The following LRMDA variants were observed in gnomAD, a reference collection of about 807,000 sequenced individuals.
The protein encoded by LRMDA is leucine-rich melanocyte differentiation-associated protein.
LRMDA carries 18 observed loss-of-function variants against 29.8 expected under a neutral mutation model. The ratio of observed to expected loss-of-function variants is 0.60; its 90% CI spans 0.42 to 0.90. The LOEUF (loss-of-function observed/expected upper bound fraction) is 0.90. Among genes scored for constraint, LRMDA ranks in the 40% least tolerant of loss-of-function variants. The probability of loss-of-function intolerance (pLI) is 0.00; values close to 1 mark genes in which losing one functional copy is unlikely to be tolerated. For missense variants in LRMDA, 273 were observed against 273.9 expected, an observed-to-expected ratio of 1.00 and a Z score of 0.02; for synonymous variants, 125 against 109.4, an observed-to-expected ratio of 1.14 and a Z score of -0.89.
intron 5 of LRMDA, among the ~76,000 whole-genome samples, chr10:76,115,923 G>A (rs964289909): frequency 6.6e-6 from 1 of 152,142 alleles, no homozygotes; most frequent in Non-Finnish European, 1.5e-5. Flanking sequence ...ATCATCGTGG[G>A]AATGGAAACG....
At chr10:75,588,161 T>G (rs1589194895) in intron 2 of LRMDA, among the ~76,000 whole-genome samples, 1 of 152,140 alleles carries the variant, frequency 6.6e-6, no homozygotes, top group Admixed American at 6.5e-5. Flanking sequence ...GAAGGTTGAA[T>G]GAGGTTACAA....
chr10:76,372,214 T>A (rs755179068), intron 6 of LRMDA, among the ~76,000 whole-genome samples: 11 of 152,154 alleles, frequency 7.2e-5, no homozygotes, highest in Non-Finnish European at 1.2e-4. Context: ...GCCATCTGAG[T>A]ACACTACCAA....
chr10:75,899,302 A>G (rs1263102422), intron 2 of LRMDA, among the ~76,000 whole-genome samples: 1 of 152,234 alleles, frequency 6.6e-6, no homozygotes. Flanking sequence ...ATGCTAGAAT[A>G]AGTCTAGCCA....
chr10:75,749,918 A>G lies in LRMDA; in HGVS notation c.132-286090A>G, dbSNP rs566158805. Among the ~76,000 whole-genome samples, 748 of 152,342 alleles carry G rather than the reference A, an allele frequency of 4.9e-3. 7 individuals are homozygous for G. The highest frequency in any genetic ancestry group is 0.017 in the African/African-American group (700 of 41,574). On this transcript the variant is annotated intron_variant, in intron 2 of 6. Transcript: ENST00000611255. ...CCATTTAACCCTGAGTGGACACACC[A>G]CATGTTTCAGAGAGCACGGGGTTGG...
intron 2 of LRMDA, among the ~76,000 whole-genome samples, chr10:75,786,582 A>G (rs751068681): frequency 2.6e-5 from 4 of 151,926 alleles, no homozygotes; most frequent in Non-Finnish European, 4.4e-5. Context: ...TTCTGATTCA[A>G]ATGGTATCTA....
chr10:75,793,089 G>A (rs1291992673), intron 2 of LRMDA, among the ~76,000 whole-genome samples: 1 of 152,208 alleles, frequency 6.6e-6, no homozygotes, highest in Non-Finnish European at 1.5e-5. Context: ...GAAAACCACA[G>A]GAGCAAAGGG....
intron 6 of LRMDA, among the ~76,000 whole-genome samples, chr10:76,426,117 C>T (rs192084962): frequency 1.3e-5 from 2 of 152,240 alleles, no homozygotes; most frequent in African/African-American, 4.8e-5. Context: ...GGTATATAGC[C>T]AGTAATGGGA....
chr10:75,577,931 A>ATTT lies in LRMDA; in HGVS notation c.131+139437_131+139438insTTT, dbSNP rs531145297. ...ATCAACTAGTACCAGCCACTGCAAA[A>ATTT]ACATACCAAATTGTAAAGACCATGG... On this transcript the variant is annotated intron_variant, in intron 2 of 6. Transcript: ENST00000611255. Among the ~76,000 whole-genome samples the ATTT allele has an allele frequency of 7.2e-3, 1,095 of 152,250 alleles. 16 individuals are homozygous for ATTT. The highest frequency in any genetic ancestry group is 0.025 in the African/African-American group (1,020 of 41,532).
intron 2 of LRMDA, among the ~76,000 whole-genome samples, chr10:75,555,501 A>G (rs891031079): frequency 1.3e-5 from 2 of 152,160 alleles, no homozygotes; most frequent in Admixed American, 6.6e-5. Flanking sequence ...TTTGAACTTC[A>G]TGTGTGGTGC....
At chr10:76,456,500 T>G (rs78521812) in intron 6 of LRMDA, among the ~76,000 whole-genome samples, 2,733 of 152,276 alleles carry the variant, frequency 0.018, 87 homozygotes, top group African/African-American at 0.061. Flanking sequence ...CTCAGGGTGA[T>G]GGCTAAGAAA....
At chr10:75,639,835 C>T (rs552518857) in intron 2 of LRMDA, among the ~76,000 whole-genome samples, 6 of 151,976 alleles carry the variant, frequency 3.9e-5, no homozygotes, top group South Asian at 4.2e-4. Context: ...CTTTGTCCTG[C>T]GCGGCTGCGC....
chr10:76,198,823 AT>A (rs935169529), intron 5 of LRMDA, among the ~76,000 whole-genome samples: 21 of 152,106 alleles, frequency 1.4e-4, no homozygotes, highest in African/African-American at 4.3e-4. Context: ...GACAGGTTTT[AT>A]TTTTTTCCCC....
chr10:76,090,727 A>T (rs953607508), intron 5 of LRMDA, among the ~76,000 whole-genome samples: 3 of 152,208 alleles, frequency 2.0e-5, no homozygotes. Flanking sequence ...ACATGCTACA[A>T]CATGGATGAA....
At chr10:76,070,542 C>T (rs1180078670) in intron 5 of LRMDA, among the ~76,000 whole-genome samples, 4 of 152,164 alleles carry the variant, frequency 2.6e-5, no homozygotes, top group African/African-American at 9.7e-5. Flanking sequence ...TCTCATTTAA[C>T]CTTAATTACC....
intron 2 of LRMDA, among the ~76,000 whole-genome samples, chr10:75,843,501 T>C (rs1267491758): frequency 2.6e-5 from 4 of 152,124 alleles, no homozygotes; most frequent in Admixed American, 6.5e-5. Flanking sequence ...CTTAGATGAG[T>C]TTCCTGTGTC....
intron 5 of LRMDA, among the ~76,000 whole-genome samples, chr10:76,133,529 C>T (rs993481251): frequency 1.1e-4 from 16 of 152,234 alleles, no homozygotes; most frequent in Non-Finnish European, 1.9e-4. Flanking sequence ...GGTCAGCAAA[C>T]GCCAGACCAC....
intron 6 of LRMDA, among the ~76,000 whole-genome samples, chr10:76,374,295 A>G (rs926111239): frequency 2.0e-5 from 3 of 152,178 alleles, no homozygotes; most frequent in African/African-American, 7.2e-5. Flanking sequence ...GAATATTGTG[A>G]CCATATTCTC....
chr10:75,890,686 A>C (rs1228571707), intron 2 of LRMDA, among the ~76,000 whole-genome samples: 1 of 152,168 alleles, frequency 6.6e-6, no homozygotes, highest in Non-Finnish European at 1.5e-5. Context: ...TTGACTTGGT[A>C]CACAGAGGTA....
intron 6 of LRMDA, among the ~76,000 whole-genome samples, chr10:76,471,137 T>C (rs1842613533): frequency 6.6e-6 from 1 of 151,568 alleles, no homozygotes; most frequent in African/African-American, 2.4e-5. Flanking sequence ...ATGAAAAGAA[T>C]CAGAAATGAT....
Sources: gnomAD v4.1 joint callset for allele counts (sites outside exome capture counted in the v4.1 genomes callset) on GRCh38, gnomAD v4.1.1 for gene constraint, MANE v1.5 for transcripts, NCBI Gene and HGNC (gene_info 2026-07-23, HGNC 2026-07-21) for gene names.